ARHGAP22: variants seen among roughly 807,000 people sequenced by gnomAD.
ARHGAP22 encodes the protein rho GTPase-activating protein 22.
Under a neutral mutation model 59.1 loss-of-function variants are expected in ARHGAP22, and 48 were observed. The observed-to-expected ratio is 0.81, with a 90% CI of 0.64 to 1.03. The LOEUF is 1.03. ARHGAP22 is among the 50% of genes least tolerant of loss of function. ARHGAP22 has a pLI of 0.00. For missense variants in ARHGAP22, 1,015 were observed against 958.7 expected (o/e 1.06, Z -0.78); for synonymous variants, 445 against 416.4 (o/e 1.07, Z -0.84).
At chr10:48,543,937 CA>C (rs1162230630) in intron 3 of ARHGAP22, among the ~76,000 whole-genome samples, 2 of 152,130 alleles carry the variant, frequency 1.3e-5, no homozygotes, top group African/African-American at 4.8e-5. Flanking sequence ...GTCTGGCCAA[CA>C]TGGTGAAACC....
At chr10:48,651,339 T>G (rs991023972) in intron 1 of ARHGAP22, among the ~76,000 whole-genome samples, 1 of 152,064 alleles carries the variant, frequency 6.6e-6, no homozygotes, top group Non-Finnish European at 1.5e-5. Context: ...ATGACCTGAC[T>G]AGCAACTGCC....
intron 3 of ARHGAP22, among the ~76,000 whole-genome samples, chr10:48,502,887 C>A (rs1470541814): frequency 6.6e-6 from 1 of 152,226 alleles, no homozygotes; most frequent in Non-Finnish European, 1.5e-5. Context: ...CAGGCATTAA[C>A]CAACATCATC....
chr10:48,512,879 G>T (rs1314443525), intron 3 of ARHGAP22, among the ~76,000 whole-genome samples: 2 of 152,158 alleles, frequency 1.3e-5, no homozygotes, highest in African/African-American at 4.8e-5. Flanking sequence ...TAGGTAAGGG[G>T]GACAAGGCCG....
At chr10:48,445,059 A>C (rs1389614146), downstream of ARHGAP22, 1 of 152,328 alleles carries the variant, frequency 6.6e-6, no homozygotes, top group Non-Finnish European at 1.5e-5. Context: ...AGCTGCCTGG[A>C]GACAATGGGT....
intron 3 of ARHGAP22, among the ~76,000 whole-genome samples, chr10:48,483,821 G>A (rs544309610): frequency 6.6e-6 from 1 of 152,136 alleles, no homozygotes; most frequent in African/African-American, 2.4e-5. Flanking sequence ...CCTATTCAAC[G>A]GGTTGTCTCT....
At chr10:48,524,055 T>C in intron 3 of ARHGAP22, 2 of 1,477,576 alleles carry the variant, frequency 1.4e-6, no homozygotes, top group Non-Finnish European at 1.8e-6. Flanking sequence ...GGAGTTACCT[T>C]TGGGCGCTCG....
At chr10:48,542,240 C>G (rs1334883997) in intron 3 of ARHGAP22, among the ~76,000 whole-genome samples, 4 of 143,192 alleles carry the variant, frequency 2.8e-5, no homozygotes, top group Non-Finnish European at 4.7e-5. Context: ...CCCAGCAGGT[C>G]AGAACAGAGG....
chr10:48,435,359 G>A, the ARHGAP22 span: 1 of 205,726 alleles, frequency 4.9e-6, no homozygotes, highest in South Asian at 1.8e-4. Flanking sequence ...GTAAGATTTT[G>A]TTTATCAAAG....
At chr10:48,449,509 C>A (rs892967001) in intron 9 of ARHGAP22, among the ~76,000 whole-genome samples, 2 of 152,254 alleles carry the variant, frequency 1.3e-5, no homozygotes, top group Non-Finnish European at 2.9e-5. Context: ...CATCCACTGC[C>A]TCTAATGGAT....
chr10:48,464,245 C>T (rs1168909990), intron 4 of ARHGAP22, among the ~76,000 whole-genome samples: 1 of 152,236 alleles, frequency 6.6e-6, no homozygotes, highest in Admixed American at 6.5e-5. Context: ...CAAGGCCCTG[C>T]CCTACTCCCT....
At position 48,479,972 on chromosome 10, in the gene ARHGAP22, G is replaced by A. The variant is rs148452035; in HGVS notation, c.323-208C>T. Among the ~76,000 whole-genome samples, 557 of 151,948 alleles carry A rather than the reference G, an allele frequency of 3.7e-3. 1 individual carries two copies. The highest frequency in any genetic ancestry group is 0.013 in the African/African-American group (527 of 41,394). The stretch of plus-strand genomic sequence containing the variant: ...TTCCCATTTTCTCTTTTTTCCCTTC[G>A]TCTCACTTTGCTATTTTCCCATGCC... On this transcript the variant is annotated intron_variant, in intron 3 of 9. Coordinates refer to ENST00000249601, the MANE Select transcript of ARHGAP22 (RefSeq NM_021226.4).
chr10:48,480,221 G>A (rs889241949), intron 3 of ARHGAP22, among the ~76,000 whole-genome samples: 9 of 152,202 alleles, frequency 5.9e-5, no homozygotes, highest in South Asian at 2.1e-4. Flanking sequence ...AAGAGTCTCC[G>A]TATATATTAA....
intron 1 of ARHGAP22, among the ~76,000 whole-genome samples, chr10:48,644,698 A>G (rs2062216112): frequency 6.6e-6 from 1 of 152,200 alleles, no homozygotes; most frequent in African/African-American, 2.4e-5. Context: ...AGGAAATCAG[A>G]AGGGAAGTTG....
chr10:48,470,248 A>C (rs1317124999), intron 4 of ARHGAP22, among the ~76,000 whole-genome samples: 2 of 152,256 alleles, frequency 1.3e-5, no homozygotes, highest in East Asian at 3.8e-4. Flanking sequence ...GGTGGTTAAA[A>C]GAGTGTTGAA....
intron 3 of ARHGAP22, among the ~76,000 whole-genome samples, chr10:48,533,182 T>C (rs1436091794): frequency 1.6e-5 from 2 of 127,294 alleles, no homozygotes; most frequent in Non-Finnish European, 3.1e-5. Flanking sequence ...TGTTCTGTTG[T>C]TTTTTTTTTT....
chr10:48,464,325 C>A (rs549819379), intron 4 of ARHGAP22, among the ~76,000 whole-genome samples: 26 of 152,336 alleles, frequency 1.7e-4, no homozygotes, highest in African/African-American at 6.0e-4. Context: ...ATCCAAGCAG[C>A]TCCCAGCCCC....
intron 3 of ARHGAP22, among the ~76,000 whole-genome samples, chr10:48,514,790 A>G (rs1199666884): frequency 6.6e-6 from 1 of 152,212 alleles, no homozygotes; most frequent in Non-Finnish European, 1.5e-5. Context: ...TATGGCAATA[A>G]TGGCACCAAC....
chr10:48,650,144 C>CTT (rs2062495932), intron 1 of ARHGAP22, among the ~76,000 whole-genome samples: 2 of 69,732 alleles, frequency 2.9e-5, no homozygotes, highest in African/African-American at 4.6e-5. Context: ...GTGCTGGAGA[C>CTT]TCTTTTTTTT....
chr10:48,533,781 G>A (rs1409145014), intron 3 of ARHGAP22, among the ~76,000 whole-genome samples: 1 of 152,196 alleles, frequency 6.6e-6, no homozygotes, highest in Non-Finnish European at 1.5e-5. Flanking sequence ...TCTGGCCTGT[G>A]GACTGTACTT....
Sources: gnomAD v4.1 joint callset for allele counts (sites outside exome capture counted in the v4.1 genomes callset) on GRCh38, gnomAD v4.1.1 for gene constraint, MANE v1.5 for transcripts, NCBI Gene and HGNC (gene_info 2026-07-23, HGNC 2026-07-21) for gene names.